ULK4: variants seen among roughly 807,000 people sequenced by gnomAD.
ULK4 encodes inactive serine/threonine-protein kinase ULK4.
In ULK4, 133 loss-of-function variants were observed where a neutral mutation model predicts 160.6. The observed-to-expected ratio is 0.83, with a 90% CI of 0.72 to 0.96. The LOEUF (loss-of-function observed/expected upper bound fraction) is 0.96. Among genes scored for constraint, ULK4 ranks in the 40% least tolerant of loss-of-function variants. The pLI, the probability that ULK4 is intolerant of heterozygous loss-of-function variation, is 0.00. For missense variants in ULK4, 1,580 were observed against 1,499.5 expected, an observed-to-expected ratio of 1.05 and a Z score of -0.89; for synonymous variants, 534 against 539.8, an observed-to-expected ratio of 0.99 and a Z score of 0.15.
At chr3:41,381,006 C>T (rs1436896912) in intron 35 of ULK4, among the ~76,000 whole-genome samples, 1 of 152,142 alleles carries the variant, frequency 6.6e-6, no homozygotes, top group African/African-American at 2.4e-5. Flanking sequence ...CTCCACCCTT[C>T]CTCCATGCAT....
At chr3:41,782,664 T>C (rs1209338652) in intron 21 of ULK4, among the ~76,000 whole-genome samples, 2 of 152,168 alleles carry the variant, frequency 1.3e-5, no homozygotes, top group South Asian at 4.1e-4. Flanking sequence ...GCACTATAGC[T>C]ATTTGCAAGT....
intron 32 of ULK4, among the ~76,000 whole-genome samples, chr3:41,558,055 T>A (rs2087369883): frequency 6.6e-6 from 1 of 152,172 alleles, no homozygotes; most frequent in African/African-American, 2.4e-5. Context: ...AGCTTCTCAG[T>A]ATCTACAAAA....
chr3:41,298,187 T>C (rs779982332), intron 35 of ULK4, among the ~76,000 whole-genome samples: 2 of 152,254 alleles, frequency 1.3e-5, no homozygotes, highest in Admixed American at 6.5e-5. Context: ...GTCTAACATA[T>C]AAACTCAAAC....
intron 1 of ULK4, among the ~76,000 whole-genome samples, chr3:41,961,165 G>A (rs912331767): frequency 2.0e-5 from 3 of 152,158 alleles, no homozygotes; most frequent in African/African-American, 7.2e-5. Context: ...GTGCAAATGA[G>A]GCATTTAAGA....
chr3:41,785,201 T>C (rs374797869), intron 21 of ULK4, among the ~76,000 whole-genome samples: 1 of 152,128 alleles, frequency 6.6e-6, no homozygotes, highest in Non-Finnish European at 1.5e-5. Context: ...AGTTCAATAG[T>C]GGAGGAAGAG....
intron 32 of ULK4, among the ~76,000 whole-genome samples, chr3:41,500,729 A>C (rs1488150058): frequency 1.3e-5 from 2 of 152,204 alleles, no homozygotes; most frequent in Non-Finnish European, 1.5e-5. Context: ...TGGAGATTAC[A>C]GTTGAACCCT....
intron 31 of ULK4, among the ~76,000 whole-genome samples, chr3:41,611,726 GCCT>G (rs2032686991): frequency 6.6e-6 from 1 of 152,136 alleles, no homozygotes; most frequent in Admixed American, 6.5e-5. Flanking sequence ...CATTGCACAT[GCCT>G]CCTAAAGCAC....
chr3:41,465,108 A>G (rs1266712924), intron 32 of ULK4, among the ~76,000 whole-genome samples: 1 of 152,244 alleles, frequency 6.6e-6, no homozygotes, highest in African/African-American at 2.4e-5. Flanking sequence ...CAACAGTGAT[A>G]ACGCCAGCAA....
chr3:41,758,732 G>A (rs540350399), intron 21 of ULK4, among the ~76,000 whole-genome samples: 156 of 152,200 alleles, frequency 1.0e-3, no homozygotes, highest in African/African-American at 3.6e-3. Context: ...AATTAACAGG[G>A]CGCAGTGGCG....
chr3:41,431,294 A>C (rs895318141), intron 34 of ULK4, among the ~76,000 whole-genome samples: 6 of 151,402 alleles, frequency 4.0e-5, no homozygotes, highest in Non-Finnish European at 8.8e-5. Flanking sequence ...GTTGCAGTGA[A>C]CCAAGATCGC....
At chr3:41,297,509 T>C (rs925407362) in intron 35 of ULK4, among the ~76,000 whole-genome samples, 3 of 152,198 alleles carry the variant, frequency 2.0e-5, no homozygotes, top group Admixed American at 6.5e-5. Context: ...CCACTGGCTG[T>C]CACAAGAGGT....
At chr3:41,471,250 A>C (rs910386235) in intron 32 of ULK4, among the ~76,000 whole-genome samples, 2 of 152,182 alleles carry the variant, frequency 1.3e-5, no homozygotes, top group Admixed American at 1.3e-4. Flanking sequence ...AGAAAGCAAT[A>C]AAGAAAGAAG....
chr3:41,772,135 G>C (rs943475545), intron 21 of ULK4, among the ~76,000 whole-genome samples: 7 of 152,056 alleles, frequency 4.6e-5, no homozygotes, highest in Admixed American at 1.3e-4. Flanking sequence ...ATCTAAAATT[G>C]ACACCCTATC....
chr3:41,522,447 T>C (rs927916803), intron 32 of ULK4, among the ~76,000 whole-genome samples: 6 of 152,064 alleles, frequency 3.9e-5, no homozygotes, highest in African/African-American at 1.2e-4. Flanking sequence ...TGGCCAAATG[T>C]CTTCTTCTTT....
At chr3:41,327,605 T>C (rs543653638) in intron 35 of ULK4, among the ~76,000 whole-genome samples, 2 of 152,264 alleles carry the variant, frequency 1.3e-5, no homozygotes, top group African/African-American at 4.8e-5. Context: ...GCAGCAATTA[T>C]GGAAATAAGA....
chr3:41,642,889 G>A (rs1408308892), intron 30 of ULK4, among the ~76,000 whole-genome samples: 1 of 152,154 alleles, frequency 6.6e-6, no homozygotes, highest in Non-Finnish European at 1.5e-5. Context: ...CATTCTAACT[G>A]GTGTGAGATG....
intron 27 of ULK4, among the ~76,000 whole-genome samples, chr3:41,697,854 G>C (rs559898377): frequency 6.6e-6 from 1 of 152,210 alleles, no homozygotes; most frequent in South Asian, 2.1e-4. Context: ...CTGCAGTAGT[G>C]TATAGTAATG....
At chr3:41,792,755 T>C (rs779196931) in intron 20 of ULK4, among the ~76,000 whole-genome samples, 3 of 152,262 alleles carry the variant, frequency 2.0e-5, no homozygotes, top group Non-Finnish European at 4.4e-5. Flanking sequence ...CTTGAAAGCT[T>C]CTGAGCAACT....
intron 29 of ULK4, among the ~76,000 whole-genome samples, chr3:41,680,130 A>T (rs1418763819): frequency 6.6e-6 from 1 of 152,230 alleles, no homozygotes; most frequent in Non-Finnish European, 1.5e-5. Context: ...ATGCACTAAA[A>T]ACATTAATCC....
Sources: allele counts gnomAD v4.1 joint callset (sites outside exome capture counted in the v4.1 genomes callset), GRCh38; gene constraint gnomAD v4.1.1; transcripts MANE v1.5; gene names NCBI Gene and HGNC (gene_info 2026-07-23, HGNC 2026-07-21).